ARB2A: variants seen among roughly 807,000 people sequenced by gnomAD.
The protein encoded by ARB2A is cotranscriptional regulator ARB2A.
the ARB2A span, among the ~76,000 whole-genome samples, chr5:93,884,040 T>G: frequency 6.7e-6 from 1 of 148,478 alleles, no homozygotes; most frequent in African/African-American, 2.5e-5. Context: ...ATGAAAATAG[T>G]GATATACTAC....
the ARB2A span, chr5:93,683,813 CA>C: frequency 4.1e-6 from 4 of 977,120 alleles, no homozygotes; most frequent in Non-Finnish European, 4.7e-6. Context: ...TCACACCAGG[CA>C]AAAAGTTTTT....
chr5:94,109,878 CTTTTTTTT>C, the ARB2A span, among the ~76,000 whole-genome samples: 1 of 96,230 alleles, frequency 1.0e-5, no homozygotes, highest in Non-Finnish European at 2.0e-5. Flanking sequence ...CTCTATACCT[CTTTTTTTT>C]TTTTTTTTTT....
chr5:94,057,056 T>C, the ARB2A span, among the ~76,000 whole-genome samples: 2 of 152,218 alleles, frequency 1.3e-5, no homozygotes, highest in Non-Finnish European at 2.9e-5. Flanking sequence ...GTCTTCTGCC[T>C]TCAGATTTAG....
At chr5:93,618,276 T>A in the ARB2A span, 1 of 152,174 alleles carries the variant, frequency 6.6e-6, no homozygotes, top group African/African-American at 2.4e-5. Flanking sequence ...AACGACGGGA[T>A]GGCTAGTACC....
chr5:93,924,806 T>C, the ARB2A span, among the ~76,000 whole-genome samples: 1 of 152,140 alleles, frequency 6.6e-6, no homozygotes, highest in Admixed American at 6.5e-5. Context: ...GCATGCAACA[T>C]TGTTAAAGTA....
chr5:94,042,736 A>G, the ARB2A span, among the ~76,000 whole-genome samples: 5 of 152,340 alleles, frequency 3.3e-5, no homozygotes, highest in East Asian at 9.6e-4. Flanking sequence ...TGTCACATAA[A>G]TAGTACACTA....
At chr5:93,884,170 A>C in the ARB2A span, among the ~76,000 whole-genome samples, 1 of 151,622 alleles carries the variant, frequency 6.6e-6, no homozygotes, top group African/African-American at 2.4e-5. Context: ...ATCTCAAATA[A>C]AGGTAAACTC....
the ARB2A span, among the ~76,000 whole-genome samples, chr5:93,800,381 TCACACACACACACACACACACA>T: frequency 5.7e-5 from 8 of 140,960 alleles, 1 homozygote; most frequent in South Asian, 1.9e-3. Context: ...CTGCATATTT[TCACACACACACACACACACACA>T]CACACACACA....
the ARB2A span, chr5:93,881,401 A>G: frequency 8.7e-7 from 1 of 1,155,110 alleles, no homozygotes; most frequent in South Asian, 1.6e-5. Flanking sequence ...GAAAAACAAA[A>G]CAATCTACAT....
the ARB2A span, among the ~76,000 whole-genome samples, chr5:93,695,549 G>C: frequency 1.3e-5 from 2 of 152,322 alleles, no homozygotes; most frequent in Non-Finnish European, 2.9e-5. Flanking sequence ...ATGCTGGAGA[G>C]GATGTAGAGA....
the ARB2A span, among the ~76,000 whole-genome samples, chr5:93,940,770 A>T: frequency 6.6e-6 from 1 of 152,094 alleles, no homozygotes; most frequent in African/African-American, 2.4e-5. Context: ...TTAAGCCTAC[A>T]GTGTAAACTA....
the ARB2A span, among the ~76,000 whole-genome samples, chr5:93,650,825 T>TAA: frequency 1.6e-5 from 2 of 127,544 alleles, no homozygotes; most frequent in African/African-American, 2.9e-5. Flanking sequence ...CTTTCTCTAC[T>TAA]AAAAAAAAAA....
At chr5:93,826,409 A>T in the ARB2A span, among the ~76,000 whole-genome samples, 4 of 152,086 alleles carry the variant, frequency 2.6e-5, no homozygotes, top group African/African-American at 4.8e-5. Flanking sequence ...CTCTATGTCT[A>T]TCTGTCCTAA....
chr5:93,653,128 T>G, the ARB2A span, among the ~76,000 whole-genome samples: 1 of 152,122 alleles, frequency 6.6e-6, no homozygotes, highest in South Asian at 2.1e-4. Flanking sequence ...GCAAGTATAG[T>G]GCCTGACATG....
At chr5:93,664,348 T>C in the ARB2A span, among the ~76,000 whole-genome samples, 1 of 152,118 alleles carries the variant, frequency 6.6e-6, no homozygotes, top group Non-Finnish European at 1.5e-5. Flanking sequence ...TCCAAAATGC[T>C]GACATTATAG....
chr5:93,972,478 AAG>A, the ARB2A span, among the ~76,000 whole-genome samples: 11 of 152,166 alleles, frequency 7.2e-5, no homozygotes, highest in Non-Finnish European at 7.4e-5. Flanking sequence ...AAAAAAAAAA[AAG>A]AGAGAGAGAA....
chr5:93,859,522 C>A, the ARB2A span, among the ~76,000 whole-genome samples: 1 of 151,984 alleles, frequency 6.6e-6, no homozygotes. Context: ...TTTTCCTATA[C>A]TAAAATTAAG....
chr5:93,703,250 CT>C, the ARB2A span, among the ~76,000 whole-genome samples: 2,040 of 152,314 alleles, frequency 0.013, 20 homozygotes, highest in Non-Finnish European at 0.018. Flanking sequence ...CAGGAACTGC[CT>C]CTGGTGCTGC....
chr5:94,107,801 A>G, the ARB2A span, among the ~76,000 whole-genome samples: 1 of 152,152 alleles, frequency 6.6e-6, no homozygotes, highest in Non-Finnish European at 1.5e-5. Flanking sequence ...ATGGACTAAC[A>G]TACATTATTT....
Sources: allele counts gnomAD v4.1 joint callset (sites outside exome capture counted in the v4.1 genomes callset), GRCh38; gene constraint gnomAD v4.1.1; transcripts MANE v1.5; gene names NCBI Gene and HGNC (gene_info 2026-07-23, HGNC 2026-07-21).